Variants in ADGRB3 observed in about 807,000 individuals in gnomAD.
The protein encoded by ADGRB3 is adhesion G protein-coupled receptor B3, also known as brain-specific angiogenesis inhibitor 3.
A neutral mutation model predicts 193.4 loss-of-function variants in ADGRB3; 37 were observed. The observed-to-expected ratio is 0.19, with a 90% CI of 0.15 to 0.25. The LOEUF is 0.25. Ranked by LOEUF, ADGRB3 falls within the 10% of genes least tolerant of loss-of-function variation. The pLI, the probability that ADGRB3 is intolerant of heterozygous loss-of-function variation, is 1.00. For synonymous variants in ADGRB3, 690 were observed against 644.2 expected, an observed-to-expected ratio of 1.07 and a Z score of -1.08; for missense variants, 1,637 against 1,852.9, an observed-to-expected ratio of 0.88 and a Z score of 2.14.
intron 3 of ADGRB3, among the ~76,000 whole-genome samples, chr6:68,700,022 C>A (rs944210743): frequency 5.9e-5 from 9 of 152,024 alleles, no homozygotes; most frequent in Non-Finnish European, 1.2e-4. Flanking sequence ...ATCTGTAAAA[C>A]ATATAAATGC....
At chr6:68,946,411 T>C (rs1276277299) in intron 6 of ADGRB3, among the ~76,000 whole-genome samples, 1 of 152,114 alleles carries the variant, frequency 6.6e-6, no homozygotes, top group Admixed American at 6.6e-5. Flanking sequence ...AAGTTTTCCT[T>C]TCCATTCAGA....
intron 21 of ADGRB3, among the ~76,000 whole-genome samples, chr6:69,326,012 CG>C (rs1354764465): frequency 6.6e-6 from 1 of 152,036 alleles, no homozygotes; most frequent in African/African-American, 2.4e-5. Flanking sequence ...TACCTGAGCG[CG>C]GGTGGACTAC....
In ADGRB3 at chr6:69,023,985, A is replaced by G. The variant is rs142277234; in HGVS notation, c.2107+5486A>G. Reference sequence around the variant, plus strand: ...TAATATTTAGACAAGTATAGCCCCCAAGTGAAAAAAATAAAATGAGAACTT... The same window carrying G: ...TAATATTTAGACAAGTATAGCCCCCGAGTGAAAAAAATAAAATGAGAACTT... On this transcript the variant is annotated intron_variant, in intron 13 of 31. Coordinates refer to ENST00000370598, the MANE Select transcript of ADGRB3 (RefSeq NM_001704.3). Among the ~76,000 whole-genome samples, 874 of 152,298 alleles carry G rather than the reference A, an allele frequency of 5.7e-3. 9 individuals are homozygous for G. The highest frequency in any genetic ancestry group is 0.019 in the African/African-American group (808 of 41,572).
rs141501190 is a variant in ADGRB3 at position 69,248,093 on chromosome 6, A to G, written c.2814+8867A>G. On this transcript the variant is annotated intron_variant, in intron 20 of 31. Coordinates refer to ENST00000370598, the MANE Select transcript of ADGRB3 (RefSeq NM_001704.3). ...CTTCCAAGAGTCTCACAGAAAGGTT[A>G]AAGAATATCTGCTTTTCTCCCCTGA... is the stretch of plus-strand genomic sequence containing the variant. 3.0e-3 allele frequency among the ~76,000 whole-genome samples: 452 copies of G among 152,328 alleles called. 1 individual carries two copies. The highest frequency in any genetic ancestry group is 0.01 in the African/African-American group (424 of 41,570).
At chr6:68,725,025 A>C (rs1181497327) in intron 3 of ADGRB3, among the ~76,000 whole-genome samples, 1 of 151,692 alleles carries the variant, frequency 6.6e-6, no homozygotes, top group African/African-American at 2.4e-5. Flanking sequence ...GGAGTCATAG[A>C]ATTGCACCAC....
intron 20 of ADGRB3, among the ~76,000 whole-genome samples, chr6:69,250,332 A>ATTTTC (rs10651831): frequency 0.94 from 143,332 of 151,938 alleles, 67,669 homozygotes; most frequent in East Asian, 1. Flanking sequence ...ATTTTTGTTT[A>ATTTTC]TTTTTATTAG....
At chr6:69,227,828 A>G (rs1321455826) in intron 17 of ADGRB3, among the ~76,000 whole-genome samples, 1 of 152,236 alleles carries the variant, frequency 6.6e-6, no homozygotes. Flanking sequence ...AGCAAGTAGA[A>G]GACCCTATTA....
At chr6:69,094,301 C>G (rs1042420340) in intron 17 of ADGRB3, among the ~76,000 whole-genome samples, 1 of 152,174 alleles carries the variant, frequency 6.6e-6, no homozygotes, top group Non-Finnish European at 1.5e-5. Context: ...GATTAAACTT[C>G]CAAATTGATG....
chr6:68,802,950 C>G (rs1388932777), intron 3 of ADGRB3, among the ~76,000 whole-genome samples: 1 of 152,162 alleles, frequency 6.6e-6, no homozygotes, highest in African/African-American at 2.4e-5. Context: ...TCCTTGTCAT[C>G]TACCTCGACT....
chr6:69,056,563 G>T (rs1206863308), intron 15 of ADGRB3, among the ~76,000 whole-genome samples: 1 of 152,042 alleles, frequency 6.6e-6, no homozygotes, highest in African/African-American at 2.4e-5. Context: ...TGATTTGAAT[G>T]TATTTCTCTA....
intron 17 of ADGRB3, among the ~76,000 whole-genome samples, chr6:69,174,752 T>C (rs1166199807): frequency 6.6e-6 from 1 of 152,164 alleles, no homozygotes; most frequent in Admixed American, 6.6e-5. Context: ...CTTTTCTCCA[T>C]AGACTCACCA....
chr6:69,207,038 CTGA>C, intron 17 of ADGRB3, among the ~76,000 whole-genome samples: 1 of 152,310 alleles, frequency 6.6e-6, no homozygotes, highest in Middle Eastern at 3.4e-3. Flanking sequence ...GAGTAGTAGA[CTGA>C]TTTCATCTTG....
In ADGRB3 at chr6:69,157,018, C is replaced by T. The variant is rs187114150; in HGVS notation, c.2481-76272C>T. On this transcript the variant is annotated intron_variant, in intron 17 of 31. Coordinates refer to ENST00000370598, the MANE Select transcript of ADGRB3 (RefSeq NM_001704.3). The stretch of plus-strand genomic sequence containing the variant: ...TTTCCCTAAGCCACTGAAGAAGTGG[C>T]GCAGCAGAATGGTGAAGGCATCCAT... Among the ~76,000 whole-genome samples, 30 of 152,264 alleles carry T rather than the reference C, an allele frequency of 2.0e-4. 1 individual carries two copies. The highest frequency in any genetic ancestry group is 5.8e-4 in the East Asian group (3 of 5,176).
At chr6:69,164,684 TTAGA>T in intron 17 of ADGRB3, among the ~76,000 whole-genome samples, 1 of 152,174 alleles carries the variant, frequency 6.6e-6, no homozygotes, top group Non-Finnish European at 1.5e-5. Context: ...ATTCATTCTA[TTAGA>T]TAGGCACTAA....
rs527560064 is a variant in ADGRB3, at chr6:69,105,802, A to G, written c.2480+29764A>G. 2.0e-5 allele frequency among the ~76,000 whole-genome samples: 3 copies of G among 152,336 alleles called. No individual in the cohort carries two copies. In the East Asian group the frequency reaches 5.8e-4, roughly 29 times the overall value. ...CAGAACCCAGATGTGAACACAGCCT[A>G]GCACCAGGGAGATCCAGTTACCTTG... On this transcript the variant is annotated intron_variant, in intron 17 of 31. Transcript: ENST00000370598.
At chr6:68,966,051 T>C (rs754506315) in intron 8 of ADGRB3, among the ~76,000 whole-genome samples, 2 of 152,138 alleles carry the variant, frequency 1.3e-5, no homozygotes, top group Non-Finnish European at 2.9e-5. Flanking sequence ...CGGCATCTCC[T>C]CTCCCAAGTC....
chr6:69,315,403 T>A (rs1233510682), intron 20 of ADGRB3, among the ~76,000 whole-genome samples: 5 of 151,574 alleles, frequency 3.3e-5, no homozygotes, highest in Non-Finnish European at 7.4e-5. Context: ...CAGTCAAACA[T>A]CTTCAAATGT....
At chr6:69,012,799 A>G (rs1015995153) in intron 11 of ADGRB3, among the ~76,000 whole-genome samples, 12 of 152,104 alleles carry the variant, frequency 7.9e-5, no homozygotes, top group Admixed American at 7.2e-4. Flanking sequence ...TTTTTCATTT[A>G]ATAGCACCCA....
chr6:69,072,703 G>A (rs909937117), intron 16 of ADGRB3, among the ~76,000 whole-genome samples: 1 of 152,094 alleles, frequency 6.6e-6, no homozygotes, highest in African/African-American at 2.4e-5. Flanking sequence ...GCTGCACTTG[G>A]TTTCTATATC....
Sources: gnomAD v4.1 joint callset for allele counts (sites outside exome capture counted in the v4.1 genomes callset) on GRCh38, gnomAD v4.1.1 for gene constraint, MANE v1.5 for transcripts, NCBI Gene and HGNC (gene_info 2026-07-23, HGNC 2026-07-21) for gene names.